Variants in LOXL1 observed in about 807,000 individuals in gnomAD.
LOXL1 encodes the protein lysyl oxidase like 1.
In LOXL1, 31 loss-of-function variants were observed where a neutral mutation model predicts 62.2. The observed-to-expected ratio is 0.50, with a 90% CI of 0.37 to 0.67. LOXL1 has a LOEUF of 0.67. Ranked by LOEUF, LOXL1 falls within the 30% of genes least tolerant of loss-of-function variation. The pLI, the probability that LOXL1 is intolerant of heterozygous loss-of-function variation, is 0.00. For missense variants in LOXL1, 775 were observed against 843.4 expected (o/e 0.92, Z 1.00); for synonymous variants, 403 against 384.4 (o/e 1.05, Z -0.56).
chr15:73,934,385 C>T (rs1359770643), intron 1 of LOXL1, among the ~76,000 whole-genome samples: 3 of 152,182 alleles, frequency 2.0e-5, no homozygotes, highest in South Asian at 4.1e-4. Context: ...GCCTCACTGA[C>T]GTCTCAGCCT....
chr15:73,932,353 T>A (rs1187882525), intron 1 of LOXL1, among the ~76,000 whole-genome samples: 1 of 152,240 alleles, frequency 6.6e-6, no homozygotes, highest in African/African-American at 2.4e-5. Flanking sequence ...GATTTGAGTC[T>A]GTGTGACTCT....
rs1264014772 is a variant in LOXL1, at chr15:73,945,224, C to T, written c.1212-1193C>T. On this transcript the variant is annotated intron_variant, in intron 2 of 6. Coordinates refer to ENST00000261921, the MANE Select transcript of LOXL1 (RefSeq NM_005576.4). This position sits in a 1 kb window ranked among gnomAD's most constrained non-coding sequence, Gnocchi z 4.3. ...GTGACTTGCGAGCAGGCAATTCATA[C>T]CAGACCCATGTTCCCTGAATGGAAA... Among the ~76,000 whole-genome samples the T allele has an allele frequency of 6.6e-6, 1 of 152,204 alleles. No individual in the cohort carries two copies. Among genetic ancestry groups the T allele is most frequent in the East Asian group, 1.9e-4 (1 of 5,194 alleles).
At chr15:73,928,199 C>G (rs1227613359) in intron 1 of LOXL1, 6 of 325,076 alleles carry the variant, frequency 1.8e-5, no homozygotes, top group Non-Finnish European at 3.3e-5. Flanking sequence ...TGGCTTGGGT[C>G]ATCTGAGGAC....
At chr15:73,950,896 C>T (rs1206288540) in intron 6 of LOXL1, among the ~76,000 whole-genome samples, 1 of 152,230 alleles carries the variant, frequency 6.6e-6, no homozygotes, top group East Asian at 1.9e-4. Flanking sequence ...AGATTAGGTT[C>T]CTCATGAGTA....
chr15:73,943,241 C>G (rs1394244332), intron 2 of LOXL1, among the ~76,000 whole-genome samples: 1 of 152,190 alleles, frequency 6.6e-6, no homozygotes, highest in Non-Finnish European at 1.5e-5. Context: ...TTATATGAGC[C>G]CTGAAGGCAT....
At chr15:73,948,024 A>C in intron 5 of LOXL1, 122 bp downstream of exon 5, 1 of 653,456 alleles carries the variant, frequency 1.5e-6, no homozygotes. Flanking sequence ...GAGCAGAGGC[A>C]GCATCTGAGG....
At position 73,942,956 on chromosome 15, in the gene LOXL1, T is replaced by A; in HGVS notation, c.1205T>A (p.Leu402Gln). The A allele has an allele frequency of 6.2e-7, 1 of 1,613,048 alleles. No individual in the cohort carries two copies. The highest frequency in any genetic ancestry group is 2.2e-5 in the East Asian group (1 of 44,866). Residue 402 changes from leucine to glutamine, a missense_variant, in exon 2 of 7, where the codon CTG becomes CAG. Transcript: ENST00000261921. ...SLRCAAEEKC[L>Q]ASTAYAPEAT... ...CGCTGTGCTGCGGAGGAGAAGTGTC[T>A]GGCCAGGTAAGGAGCTGAGGCAGAA...
Position 73,927,446 on chromosome 15 carries a change from G to T in LOXL1, c.663G>T (p.Ser221=). Residue 221 remains serine (S), a synonymous_variant, in exon 1 of 7, where the codon TCG becomes TCT. Transcript: ENST00000261921. ...GCGCGGGGGCGGCGGCCGTGGCCTC[G>T]GCGGGGGTCATCTACCCCTACCAGC... ...GVGAGAAAVA[S]AGVIYPYQPR... is the part of the protein sequence containing the mutation. 1 of 1,454,332 alleles carries T rather than the reference G, an allele frequency of 6.9e-7. No homozygotes were observed. The highest frequency in any genetic ancestry group is 9.0e-7 in the Non-Finnish European group (1 of 1,105,518). 90.1% of individuals were successfully genotyped at this position (1,454,332 alleles called of 1,614,324 possible).
intron 1 of LOXL1, among the ~76,000 whole-genome samples, chr15:73,938,885 A>G (rs2068694448): frequency 6.6e-6 from 1 of 152,172 alleles, no homozygotes; most frequent in Non-Finnish European, 1.5e-5. Flanking sequence ...TGTCTCAAAG[A>G]AAAAAGAAAA....
chr15:73,926,488 G>T lies in LOXL1; in HGVS notation c.-296G>T, dbSNP rs2068576689. ...TTCAGAGTGGGAAAGCGCCAGCCGA[G>T]CGGCCAGCCAGTGCGGGGCTGGCCA... On this transcript the variant is annotated 5_prime_UTR_variant, in exon 1 of 7. Coordinates refer to ENST00000261921, the MANE Select transcript of LOXL1 (RefSeq NM_005576.4). The T allele has an allele frequency of 3.0e-6, 1 of 332,348 alleles. No homozygotes were observed. Among genetic ancestry groups the T allele is most frequent in the African/African-American group, 2.1e-5 (1 of 47,078 alleles). The allele number at this position is 332,348 out of a possible 1,614,324, so 20.6% of individuals were successfully genotyped here.
In LOXL1 at chr15:73,927,423, G is replaced by A; in HGVS notation, c.640G>A (p.Ala214Thr). Residue 214 changes from alanine to threonine, a missense_variant, in exon 1 of 7, where the codon GCG (alanine) becomes ACG (threonine). Coordinates refer to ENST00000261921, the MANE Select transcript of LOXL1 (RefSeq NM_005576.4). ...YYRPAGGGVG[A>T]GAAAVASAGV... ...CCGGCCCGCGGGCGGCGGCGTGGGCGCGGGGGCGGCGGCCGTGGCCTCGGC... is the reference window on the plus strand; with the variant it reads ...CCGGCCCGCGGGCGGCGGCGTGGGCACGGGGGCGGCGGCCGTGGCCTCGGC... 2 of 1,492,880 alleles carry A rather than the reference G, an allele frequency of 1.3e-6. No individual in the cohort carries two copies. The highest frequency in any genetic ancestry group is 1.8e-6 in the Non-Finnish European group (2 of 1,123,078). The allele number at this position is 1,492,880 out of a possible 1,614,324, so 92.5% of individuals were successfully genotyped here.
chr15:73,946,537 G>T lies in LOXL1; in HGVS notation c.1332G>T (p.Glu444Asp), dbSNP rs371712153. The change falls in exon 3 of 7, where the codon GAG becomes GAT. Residue 444 changes from glutamate to aspartate, a missense_variant. Physicochemically the swap from Glu to Asp is conservative, Grantham distance 45. Coordinates refer to ENST00000261921, the MANE Select transcript of LOXL1 (RefSeq NM_005576.4). Reference protein sequence around the residue: ...FLPNRPRHTWEWHSCHQHYHS... With the variant: ...FLPNRPRHTWDWHSCHQHYHS... Reference sequence around the variant, plus strand: ...CCAACCGGCCACGGCACACCTGGGAGTGGCACAGCTGCCACCAGTGAGTGG... The same window carrying T: ...CCAACCGGCCACGGCACACCTGGGATTGGCACAGCTGCCACCAGTGAGTGG... 4 of 1,607,712 alleles carry T rather than the reference G, an allele frequency of 2.5e-6. No homozygotes were observed. In the African/African-American group the frequency reaches 4.0e-5, roughly 16 times the overall value.
At chr15:73,940,805 C>T (rs1365987122) in intron 1 of LOXL1, among the ~76,000 whole-genome samples, 1 of 152,240 alleles carries the variant, frequency 6.6e-6, no homozygotes, top group African/African-American at 2.4e-5. Flanking sequence ...AGGCCAGGAA[C>T]AGCATTGGCC....
At position 73,949,570 on chromosome 15, in the gene LOXL1, G is replaced by T. The variant is rs907370562; in HGVS notation, c.1714G>T (p.Val572Phe). 2 of 1,609,982 alleles carry T rather than the reference G, an allele frequency of 1.2e-6. No individual in the cohort carries two copies. The highest frequency in any genetic ancestry group is 2.7e-5 in the African/African-American group (2 of 74,836). ...CGTTTCTGCAACAAACTGCAAAATT[G>T]TCCAGTAAGAGTTTGCCCACCACCC... ...RYVSATNCKI[V>F]QS Residue 572 changes from valine to phenylalanine, a missense_variant, in exon 6 of 7, where the codon GTC becomes TTC. Physicochemically the swap from Val to Phe is conservative, Grantham distance 50. Transcript: ENST00000261921.
At chr15:73,949,411 A>G in intron 5 of LOXL1, 48 bp from the exon 6 acceptor site, 1 of 1,099,402 alleles carries the variant, frequency 9.1e-7, no homozygotes, top group Non-Finnish European at 1.4e-6. Context: ...GTTGAGGTGC[A>G]GCCCCCCTGA....
At position 73,935,233 on chromosome 15, in the gene LOXL1, G is replaced by T. The variant is rs150089801; in HGVS notation, c.1102+7348G>T. Reference sequence around the variant, plus strand: ...CAGTGGAGAGTCAGCCAGGGGAACCGACAGGAGGCTGTTCCAGAGAGTAGG... The same window carrying T: ...CAGTGGAGAGTCAGCCAGGGGAACCTACAGGAGGCTGTTCCAGAGAGTAGG... On this transcript the variant is annotated intron_variant, in intron 1 of 6. Transcript: ENST00000261921. 9.9e-3 allele frequency among the ~76,000 whole-genome samples: 1,504 copies of T among 152,316 alleles called. 90 individuals are homozygous for T. Among genetic ancestry groups the T allele is most frequent in the Admixed American group, 0.086 (1,311 of 15,294 alleles).
At chr15:73,938,663 A>T (rs1349517805) in intron 1 of LOXL1, among the ~76,000 whole-genome samples, 1 of 152,212 alleles carries the variant, frequency 6.6e-6, no homozygotes, top group South Asian at 2.1e-4. Flanking sequence ...GTGAGCCAAG[A>T]TCGCACCACT....
intron 5 of LOXL1, among the ~76,000 whole-genome samples, chr15:73,948,988 A>G (rs2068765895): frequency 1.3e-5 from 2 of 152,352 alleles, no homozygotes; most frequent in African/African-American, 2.4e-5. Context: ...AAAAGCACAG[A>G]TCATACTTGG....
intron 1 of LOXL1, among the ~76,000 whole-genome samples, chr15:73,939,967 A>G (rs967538221): frequency 1.3e-5 from 2 of 152,096 alleles, no homozygotes; most frequent in Admixed American, 6.5e-5. Flanking sequence ...GTTGCCTAGA[A>G]CAGTCATTAA....
Sources: allele counts gnomAD v4.1 joint callset (sites outside exome capture counted in the v4.1 genomes callset), GRCh38; gene constraint gnomAD v4.1.1; non-coding constraint Gnocchi (gnomAD v3.1); transcripts MANE v1.5; gene names NCBI Gene and HGNC (gene_info 2026-07-23, HGNC 2026-07-21).